HSD17B11: variants seen among roughly 807,000 people sequenced by gnomAD.
The protein encoded by HSD17B11 is hydroxysteroid 17-beta dehydrogenase 11, also known as estradiol 17-beta-dehydrogenase 11.
Under a neutral mutation model 27.8 loss-of-function variants are expected in HSD17B11, and 22 were observed. The observed-to-expected ratio is 0.79, with a 90% confidence interval of 0.56 to 1.13. The LOEUF (loss-of-function observed/expected upper bound fraction) is 1.13, where lower values mean the gene tolerates loss of function less well. Ranked by LOEUF, HSD17B11 falls within the 50% of genes most tolerant of loss-of-function variation. The pLI is 0.00. For missense variants in HSD17B11, 314 were observed against 351.1 expected (o/e 0.89, Z 0.84); for synonymous variants, 117 against 132.8 (o/e 0.88, Z 0.82).
chr4:87,362,318 G>A (rs1222722583), intron 4 of HSD17B11, among the ~76,000 whole-genome samples: 1 of 152,232 alleles, frequency 6.6e-6, no homozygotes, highest in African/African-American at 2.4e-5. Flanking sequence ...TTGAGGTCAG[G>A]AGTTCGAGAC....
Position 87,372,716 on chromosome 4 carries a change from C to T in HSD17B11, c.550G>A (p.Ala184Thr), listed in dbSNP as rs757538154. The change falls in exon 4 of 7, where the codon GCT becomes ACT. Residue 184 changes from alanine to threonine, a missense_variant. Physicochemically the swap from Ala to Thr is moderately conservative, Grantham distance 58 (BLOSUM62 0). Transcript: ENST00000358290. ...AGHVSVPFLL[A>T]YCSSKFAAVG... Reference sequence around the variant, plus strand: ...AAACACATGTTCACATACCAGTAAGCCAGTAAGAAGGGGACCGAGACATGT... The same window carrying T: ...AAACACATGTTCACATACCAGTAAGTCAGTAAGAAGGGGACCGAGACATGT... 6.3e-7 allele frequency: 1 copy of T among 1,598,456 alleles called. No homozygotes were observed. The highest frequency in any genetic ancestry group is 8.6e-7 in the Non-Finnish European group (1 of 1,165,994).
At chr4:87,338,376 C>T (rs752877547) in intron 6 of HSD17B11, among the ~76,000 whole-genome samples, 17 of 151,976 alleles carry the variant, frequency 1.1e-4, no homozygotes, top group Non-Finnish European at 2.5e-4. Context: ...TAATAATATA[C>T]AGAAATCTGC....
chr4:87,379,618 ATATG>A (rs1018149080), intron 2 of HSD17B11, among the ~76,000 whole-genome samples: 5 of 145,472 alleles, frequency 3.4e-5, no homozygotes, highest in East Asian at 3.9e-4. Flanking sequence ...ATATATACAT[ATATG>A]TATTATATTA....
intron 1 of HSD17B11, among the ~76,000 whole-genome samples, chr4:87,389,238 T>G (rs1720394250): frequency 6.6e-6 from 1 of 152,250 alleles, no homozygotes; most frequent in South Asian, 2.1e-4. Context: ...TTATTTATTT[T>G]TAAGACAGAG....
chr4:87,355,720 G>A (rs1057139694), intron 5 of HSD17B11, among the ~76,000 whole-genome samples: 4 of 152,030 alleles, frequency 2.6e-5, no homozygotes, highest in African/African-American at 7.2e-5. Flanking sequence ...CCTGGCCAAC[G>A]TGGCGAAACC....
At chr4:87,386,110 C>T (rs550508388) in intron 1 of HSD17B11, among the ~76,000 whole-genome samples, 25 of 152,188 alleles carry the variant, frequency 1.6e-4, no homozygotes, top group African/African-American at 5.3e-4. Context: ...TGCAAAGATA[C>T]CCTTCTTTCA....
At position 87,391,097 on chromosome 4, in the gene HSD17B11, G is replaced by GTT. The variant is rs1560774386; in HGVS notation, c.-28_-27insAA. 7 of 1,449,048 alleles carry GTT rather than the reference G, an allele frequency of 4.8e-6. No homozygotes were observed. The African/African-American group carries it at 5.3e-5, about 11-fold the overall frequency. The allele number at this position is 1,449,048 out of a possible 1,614,324, so 89.8% of individuals were successfully genotyped here. ...CCTTTTGTGGCTGCGAGCGTTTGGT[G>GTT]TGTTTTTTTTTTTTTTTACCACTCT... On this transcript the variant is annotated 5_prime_UTR_variant, in exon 1 of 7. Transcript: ENST00000358290.
chr4:87,388,459 A>G lies in HSD17B11; in HGVS notation c.210+2402T>C, dbSNP rs1720375027. On this transcript the variant is annotated intron_variant, in intron 1 of 6. Coordinates refer to ENST00000358290, the MANE Select transcript of HSD17B11 (RefSeq NM_016245.5). ...GTGCTTCTCTCCCTTCCCTCAGTCT[A>G]TGCCAGGCTTTGCATTTGCTGATCC... 2.0e-5 allele frequency among the ~76,000 whole-genome samples: 3 copies of G among 152,038 alleles called. No individual in the cohort carries two copies. In the South Asian group the frequency reaches 6.2e-4, roughly 31 times the overall value.
intron 2 of HSD17B11, among the ~76,000 whole-genome samples, chr4:87,379,784 T>TATA (rs546050636): frequency 0.091 from 5,546 of 60,942 alleles, 397 homozygotes; most frequent in African/African-American, 0.22. Flanking sequence ...ATAGTAATAG[T>TATA]ATATTATAGT....
At chr4:87,388,134 G>A (rs1016924797) in intron 1 of HSD17B11, among the ~76,000 whole-genome samples, 9 of 138,854 alleles carry the variant, frequency 6.5e-5, no homozygotes, top group African/African-American at 2.5e-4. Context: ...CGCAAGCCAT[G>A]TATATAATTT....
intron 5 of HSD17B11, among the ~76,000 whole-genome samples, chr4:87,341,274 C>T (rs534701896): frequency 2.0e-5 from 3 of 152,088 alleles, no homozygotes; most frequent in South Asian, 2.1e-4. Flanking sequence ...TGGGTTCAAG[C>T]GATTTTCCTG....
intron 2 of HSD17B11, among the ~76,000 whole-genome samples, chr4:87,378,879 TAA>T (rs1247295425): frequency 0.16 from 4,514 of 28,732 alleles, 874 homozygotes; most frequent in Non-Finnish European, 0.17. Context: ...TATATATATA[TAA>T]ATATATATAT....
intron 1 of HSD17B11, among the ~76,000 whole-genome samples, chr4:87,389,036 AT>A (rs1375696964): frequency 2.0e-5 from 3 of 152,088 alleles, no homozygotes; most frequent in Non-Finnish European, 2.9e-5. Flanking sequence ...TTGTTATTTT[AT>A]CCATTTTGCA....
intron 5 of HSD17B11, among the ~76,000 whole-genome samples, chr4:87,354,191 C>T (rs1041190566): frequency 6.6e-6 from 1 of 152,106 alleles, no homozygotes; most frequent in Admixed American, 6.5e-5. Flanking sequence ...TGTTCTGCTT[C>T]CCTGTGGGAT....
intron 3 of HSD17B11, 60 bp from the exon 4 acceptor site, chr4:87,372,875 G>C: frequency 9.8e-7 from 1 of 1,021,778 alleles, no homozygotes; most frequent in Non-Finnish European, 1.5e-6. Context: ...CAGACCTATT[G>C]GGAATATTTT....
intron 5 of HSD17B11, among the ~76,000 whole-genome samples, chr4:87,346,323 A>G (rs550341262): frequency 6.6e-6 from 1 of 152,296 alleles, no homozygotes; most frequent in African/African-American, 2.4e-5. Context: ...TATAATCAAA[A>G]TGGAGTAGCA....
intron 4 of HSD17B11, 32 bp from the exon 5 acceptor site, chr4:87,357,448 G>T (rs1359282886): frequency 3.1e-6 from 5 of 1,596,270 alleles, no homozygotes; most frequent in East Asian, 2.2e-5. Flanking sequence ...AATAATTCAA[G>T]AATTCTGAAA....
rs192116780 is a variant in HSD17B11, at chr4:87,353,848, C to T, written c.695+3431G>A. On this transcript the variant is annotated intron_variant, in intron 5 of 6. Coordinates refer to ENST00000358290, the MANE Select transcript of HSD17B11 (RefSeq NM_016245.5). ...CTCAAATATGTTATTTTAGTATCCA[C>T]ATACTGAAAAAGAAATTGAGGAAAC... Among the ~76,000 whole-genome samples the T allele has an allele frequency of 3.0e-3, 459 of 152,320 alleles. 1 individual carries two copies. The highest frequency in any genetic ancestry group is 6.8e-3 in the Middle Eastern group (2 of 294).
At chr4:87,380,989 C>G (rs1263982488) in intron 2 of HSD17B11, among the ~76,000 whole-genome samples, 67 of 150,874 alleles carry the variant, frequency 4.4e-4, no homozygotes, top group Non-Finnish European at 1.2e-4. Context: ...CAGACCAGAC[C>G]ACCCTGGCCA....
Sources: gnomAD v4.1 joint callset for allele counts (sites outside exome capture counted in the v4.1 genomes callset) on GRCh38, gnomAD v4.1.1 for gene constraint, MANE v1.5 for transcripts, NCBI Gene and HGNC (gene_info 2026-07-23, HGNC 2026-07-21) for gene names.